TNPO1: variants seen among roughly 807,000 people sequenced by gnomAD.
The protein encoded by TNPO1 is transportin-1.
TNPO1 carries 8 observed loss-of-function variants against 119.5 expected under a neutral mutation model. The ratio of observed to expected loss-of-function variants is 0.07; its 90% CI spans 0.04 to 0.12. The LOEUF (loss-of-function observed/expected upper bound fraction) is 0.12, where lower values mean the gene tolerates loss of function less well. Among genes scored for constraint, TNPO1 ranks in the 10% least tolerant of loss-of-function variants. The pLI is 1.00. For synonymous variants in TNPO1, 362 were observed against 363.0 expected (o/e 1.00, Z 0.03); for missense variants, 576 against 1,089.8 (o/e 0.53, Z 6.64).
At chr5:72,840,752 T>C (rs907588059) in intron 1 of TNPO1, among the ~76,000 whole-genome samples, 7 of 152,338 alleles carry the variant, frequency 4.6e-5, no homozygotes, top group East Asian at 1.9e-4. Flanking sequence ...TGTCTAGTCA[T>C]CTTCAAAGTT....
chr5:72,840,966 C>A (rs1221571004), intron 1 of TNPO1, among the ~76,000 whole-genome samples: 1 of 152,176 alleles, frequency 6.6e-6, no homozygotes, highest in East Asian at 1.9e-4. Context: ...ATGATTTAAA[C>A]CCCATGTGCC....
chr5:72,888,084 T>C lies in TNPO1; in HGVS notation c.1310T>C (p.Met437Thr). The C allele has an allele frequency of 6.2e-7, 1 of 1,612,184 alleles. No homozygotes were observed. Among genetic ancestry groups the C allele is most frequent in the Non-Finnish European group, 8.5e-7 (1 of 1,179,420 alleles). Residue 437 changes from methionine to threonine, a missense_variant, in exon 13 of 25, where the codon ATG (methionine) becomes ACG (threonine). Transcript: ENST00000337273. Reference sequence around the variant, plus strand: ...AGATTTATTTTTTTTCTAGGTTGCATGCAGGGCATGATTCCATACTTGCCT... The same window carrying C: ...AGATTTATTTTTTTTCTAGGTTGCACGCAGGGCATGATTCCATACTTGCCT... ...LVLGAIAEGC[M>T]QGMIPYLPEL... is the part of the protein sequence containing the mutation.
intron 7 of TNPO1, among the ~76,000 whole-genome samples, chr5:72,874,887 T>A (rs2112378831): frequency 6.6e-6 from 1 of 152,342 alleles, no homozygotes; most frequent in East Asian, 1.9e-4. Context: ...CATTGTGTTT[T>A]CCTCTCACAT....
Position 72,913,488 on chromosome 5 carries a change from A to C in TNPO1, c.*4815A>C, listed in dbSNP as rs946831939. 2 of 152,528 alleles carry C rather than the reference A, an allele frequency of 1.3e-5. No individual in the cohort carries two copies. Among genetic ancestry groups the C allele is most frequent in the Non-Finnish European group, 2.9e-5 (2 of 67,946 alleles). The allele number at this position is 152,528 out of a possible 1,614,324, so 9.4% of individuals were successfully genotyped here. On this transcript the variant is annotated 3_prime_UTR_variant, in exon 25 of 25. Transcript: ENST00000337273. Reference sequence around the variant, plus strand: ...TGAATGTATGCATGACTTTGAAAGAAGTTAAAATGGTGATTTTTTTTCACC... The same window carrying C: ...TGAATGTATGCATGACTTTGAAAGACGTTAAAATGGTGATTTTTTTTCACC...
Position 72,888,309 on chromosome 5 carries a change from A to T in TNPO1, c.1529+6A>T. On this transcript the variant is annotated splice_donor_region_variant and intron_variant, in intron 13 of 24. Coordinates refer to ENST00000337273, the MANE Select transcript of TNPO1 (RefSeq NM_002270.4). ...GTACAAGAAGCTGCCTGCAGGTGGGACAGATTCATAACACAGTGTTCTTTG... is the reference window on the plus strand; with the variant it reads ...GTACAAGAAGCTGCCTGCAGGTGGGTCAGATTCATAACACAGTGTTCTTTG... 1 of 1,610,674 alleles carries T rather than the reference A, an allele frequency of 6.2e-7. No homozygotes were observed. Among genetic ancestry groups the T allele is most frequent in the Non-Finnish European group, 8.5e-7 (1 of 1,176,924 alleles).
chr5:72,836,394 C>A (rs1744696324), intron 1 of TNPO1, among the ~76,000 whole-genome samples: 1 of 152,188 alleles, frequency 6.6e-6, no homozygotes, highest in Non-Finnish European at 1.5e-5. Context: ...AGGTTTACCA[C>A]CTGTGCTTTC....
At chr5:72,899,598 T>G (rs1167066373) in intron 20 of TNPO1, among the ~76,000 whole-genome samples, 1 of 152,204 alleles carries the variant, frequency 6.6e-6, no homozygotes, top group African/African-American at 2.4e-5. Context: ...TGAAAAAAAC[T>G]ATAGATTTTA....
chr5:72,825,177 C>T (rs913102867), intron 1 of TNPO1, among the ~76,000 whole-genome samples: 1 of 152,196 alleles, frequency 6.6e-6, no homozygotes, highest in Non-Finnish European at 1.5e-5. Flanking sequence ...AGGTTACTAC[C>T]TGGTCTGCCC....
At chr5:72,856,689 G>A (rs1439251885) in intron 4 of TNPO1, among the ~76,000 whole-genome samples, 1 of 152,168 alleles carries the variant, frequency 6.6e-6, no homozygotes, top group Non-Finnish European at 1.5e-5. Flanking sequence ...AGCCTTGTCA[G>A]TAATTCAGCA....
At chr5:72,890,954 A>C (rs1203493140) in intron 14 of TNPO1, among the ~76,000 whole-genome samples, 1 of 151,958 alleles carries the variant, frequency 6.6e-6, no homozygotes. Flanking sequence ...CCCGGGCTCA[A>C]GCGATCCTCC....
At position 72,911,339 on chromosome 5, in the gene TNPO1, G is replaced by A. The variant is rs950301728; in HGVS notation, c.*2666G>A. ...CTTGACTTTTTTTTTTTATTTAAATGAAATTTAATTTGAAAATAGAAAATA... is the reference window on the plus strand; with the variant it reads ...CTTGACTTTTTTTTTTTATTTAAATAAAATTTAATTTGAAAATAGAAAATA... On this transcript the variant is annotated 3_prime_UTR_variant, in exon 25 of 25. Transcript: ENST00000337273. The A allele has an allele frequency of 9.9e-5, 15 of 151,792 alleles. No individual in the cohort carries two copies. Among genetic ancestry groups the A allele is most frequent in the African/African-American group, 2.9e-4 (12 of 41,266 alleles). The allele number at this position is 151,792 out of a possible 1,614,324, so 9.4% of individuals were successfully genotyped here.
At chr5:72,821,414 A>G (rs1743951837) in intron 1 of TNPO1, among the ~76,000 whole-genome samples, 1 of 151,034 alleles carries the variant, frequency 6.6e-6, no homozygotes, top group Non-Finnish European at 1.5e-5. Context: ...AAATGCAAAT[A>G]AATTATTAGG....
intron 15 of TNPO1, among the ~76,000 whole-genome samples, chr5:72,892,607 C>G (rs554691400): frequency 6.6e-6 from 1 of 152,272 alleles, no homozygotes; most frequent in East Asian, 1.9e-4. Context: ...ATACAGAAAT[C>G]CAGCGATGCT....
At chr5:72,888,607 C>T (rs568194525) in intron 13 of TNPO1, among the ~76,000 whole-genome samples, 2 of 152,298 alleles carry the variant, frequency 1.3e-5, no homozygotes, top group Non-Finnish European at 2.9e-5. Context: ...GCTGTTTCTT[C>T]TTTGGCTCAT....
chr5:72,875,751 T>G lies in TNPO1; in HGVS notation c.801+14T>G. 6.3e-7 allele frequency: 1 copy of G among 1,588,608 alleles called. No homozygotes were observed. The highest frequency in any genetic ancestry group is 8.6e-7 in the Non-Finnish European group (1 of 1,160,540). ...AATATAGTTGAGGTAACACTGGCAATTTAAAGGCTCTTTCATCATCTTTCC... is the reference window on the plus strand; with the variant it reads ...AATATAGTTGAGGTAACACTGGCAAGTTAAAGGCTCTTTCATCATCTTTCC... On this transcript the variant is annotated intron_variant, in intron 8 of 24. Coordinates refer to ENST00000337273, the MANE Select transcript of TNPO1 (RefSeq NM_002270.4).
chr5:72,862,311 CTGAACT>C (rs1747544941), intron 5 of TNPO1: 1 of 158,062 alleles, frequency 6.3e-6, no homozygotes, highest in African/African-American at 2.4e-5. Context: ...CTAAGGGATG[CTGAACT>C]TGTGTTTTTT....
At position 72,883,145 on chromosome 5, in the gene TNPO1, C is replaced by G; in HGVS notation, c.1063C>G (p.Gln355Glu). Reference protein sequence around the residue: ...PRFHRSRTVAQQHDEDGIEEE... With the variant: ...PRFHRSRTVAEQHDEDGIEEE... Reference sequence around the variant, plus strand: ...TTTTCACCGATCGAGGACGGTGGCTCAGCAGCATGATGAAGATGGAATTGA... The same window carrying G: ...TTTTCACCGATCGAGGACGGTGGCTGAGCAGCATGATGAAGATGGAATTGA... The change falls in exon 11 of 25, where the codon CAG becomes GAG. Residue 355 changes from glutamine to glutamate, a missense_variant. By Grantham distance (29) the Gln-to-Glu change is conservative. Transcript: ENST00000337273. The G allele has an allele frequency of 6.2e-7, 1 of 1,613,736 alleles. No homozygotes were observed. The highest frequency in any genetic ancestry group is 8.5e-7 in the Non-Finnish European group (1 of 1,179,778).
chr5:72,831,374 A>G (rs557506908), intron 1 of TNPO1, among the ~76,000 whole-genome samples: 1 of 151,874 alleles, frequency 6.6e-6, no homozygotes, highest in East Asian at 1.9e-4. Context: ...AGAATTTTGT[A>G]TCAGCATTTG....
At chr5:72,820,845 C>T (rs752712926) in intron 1 of TNPO1, among the ~76,000 whole-genome samples, 3 of 152,050 alleles carry the variant, frequency 2.0e-5, no homozygotes, top group Non-Finnish European at 4.4e-5. Flanking sequence ...CTTAACTTTC[C>T]ACATTTTAGA....
Sources: gnomAD v4.1 joint callset for allele counts (sites outside exome capture counted in the v4.1 genomes callset) on GRCh38, gnomAD v4.1.1 for gene constraint, MANE v1.5 for transcripts, NCBI Gene and HGNC (gene_info 2026-07-23, HGNC 2026-07-21) for gene names.